Variants in CHP1 observed in about 807,000 individuals in gnomAD.
CHP1 encodes the protein calcineurin B homologous protein 1.
CHP1 carries 11 observed loss-of-function variants against 27.4 expected under a neutral mutation model. That is an observed-to-expected ratio of 0.40 (90% CI 0.25 to 0.67). The LOEUF (loss-of-function observed/expected upper bound fraction) is 0.67. Among genes scored for constraint, CHP1 ranks in the 30% least tolerant of loss-of-function variants. The pLI is 0.38. For missense variants in CHP1, 169 were observed against 251.3 expected, an observed-to-expected ratio of 0.67 and a Z score of 2.22; for synonymous variants, 89 against 87.4, an observed-to-expected ratio of 1.02 and a Z score of -0.10.
chr15:41,262,214 C>G (rs2047437324), intron 3 of CHP1, among the ~76,000 whole-genome samples: 1 of 151,830 alleles, frequency 6.6e-6, no homozygotes, highest in Admixed American at 6.6e-5. Context: ...GAGCAAGACT[C>G]TGTCTCAAAA....
At chr15:41,274,872 C>T (rs961166854) in intron 5 of CHP1, among the ~76,000 whole-genome samples, 1 of 149,328 alleles carries the variant, frequency 6.7e-6, no homozygotes, top group African/African-American at 2.5e-5. Context: ...CTCACTGCGA[C>T]CTCCACCTCC....
At chr15:41,277,793 A>C (rs1415966843) in intron 5 of CHP1, among the ~76,000 whole-genome samples, 1 of 148,102 alleles carries the variant, frequency 6.8e-6, no homozygotes, top group Non-Finnish European at 1.5e-5. Context: ...CGCCTCAGGA[A>C]AAAAAAAAAA....
At chr15:41,237,120 C>T (rs866014585) in intron 1 of CHP1, among the ~76,000 whole-genome samples, 15 of 150,608 alleles carry the variant, frequency 1.0e-4, no homozygotes, top group Admixed American at 2.7e-4. Flanking sequence ...CGTGAGCCAC[C>T]GCACCTGGCC....
intron 3 of CHP1, 91 bp downstream of exon 3, chr15:41,257,081 C>A: frequency 1.0e-6 from 1 of 971,040 alleles, no homozygotes; most frequent in Non-Finnish European, 1.6e-6. Context: ...GTTGTGCCAT[C>A]TCAGACTGTG....
At position 41,280,092 on chromosome 15, in the gene CHP1, G is replaced by C. The variant is rs947142210; in HGVS notation, c.*703G>C. 1.3e-5 allele frequency: 2 copies of C among 152,262 alleles called. No individual in the cohort carries two copies. The highest frequency in any genetic ancestry group is 2.9e-5 in the Non-Finnish European group (2 of 68,116). The allele number at this position is 152,262 out of a possible 1,614,324, so 9.4% of individuals were successfully genotyped here. ...TCTGCACTCTGCTCTGTCATCAAAGGCTGCTGGGTGGAGATACCCTTTTTG... is the reference window on the plus strand; with the variant it reads ...TCTGCACTCTGCTCTGTCATCAAAGCCTGCTGGGTGGAGATACCCTTTTTG... On this transcript the variant is annotated 3_prime_UTR_variant, in exon 7 of 7. Coordinates refer to ENST00000334660, the MANE Select transcript of CHP1 (RefSeq NM_007236.5).
chr15:41,239,804 C>G (rs190728147), intron 1 of CHP1, among the ~76,000 whole-genome samples: 2 of 150,424 alleles, frequency 1.3e-5, no homozygotes, highest in African/African-American at 4.9e-5. Flanking sequence ...GAGACAGAGT[C>G]TCCTCTCTGT....
At chr15:41,249,284 AGCTGGGACTACAG>A (rs2047351710) in intron 2 of CHP1, among the ~76,000 whole-genome samples, 1 of 151,878 alleles carries the variant, frequency 6.6e-6, no homozygotes, top group Non-Finnish European at 1.5e-5. Context: ...CCTCCTGAGT[AGCTGGGACTACAG>A]GCACGTGTCA....
chr15:41,270,834 C>G (rs1011830368), intron 5 of CHP1, among the ~76,000 whole-genome samples: 1 of 152,158 alleles, frequency 6.6e-6, no homozygotes, highest in Non-Finnish European at 1.5e-5. Context: ...GCTAACTAGG[C>G]TGGGCATGGT....
intron 4 of CHP1, 123 bp from the exon 5 acceptor site, chr15:41,270,434 A>C: frequency 1.4e-6 from 1 of 712,190 alleles, no homozygotes. Context: ...AGTAATGGCA[A>C]TTGTTCTTGG....
intron 5 of CHP1, among the ~76,000 whole-genome samples, chr15:41,272,904 A>G (rs914419139): frequency 6.6e-6 from 1 of 152,024 alleles, no homozygotes; most frequent in Non-Finnish European, 1.5e-5. Flanking sequence ...AAAAATACAA[A>G]AAATTAGCCG....
Position 41,264,191 on chromosome 15 carries a change from G to A in CHP1, c.349+1308G>A, listed in dbSNP as rs1421207157. ...AGAGGAAGAGAGATATATATAGAGA[G>A]AGATCGAGACTGAAATTGAGCAACA... On this transcript the variant is annotated intron_variant, in intron 4 of 6. Transcript: ENST00000334660. The A allele has an allele frequency of 3.1e-6, 4 of 1,286,480 alleles. No individual in the cohort carries two copies. The Admixed American group carries it at 9.2e-5, about 30-fold the overall frequency. 79.7% of individuals were successfully genotyped at this position (1,286,480 alleles called of 1,614,324 possible).
intron 1 of CHP1, among the ~76,000 whole-genome samples, chr15:41,241,053 A>G (rs941202001): frequency 2.6e-5 from 4 of 152,098 alleles, no homozygotes; most frequent in Non-Finnish European, 5.9e-5. Context: ...AGGTTTCGCC[A>G]TGTTGGCCAG....
intron 1 of CHP1, among the ~76,000 whole-genome samples, chr15:41,237,950 C>T (rs911244807): frequency 4.6e-5 from 7 of 152,078 alleles, no homozygotes; most frequent in African/African-American, 1.4e-4. Context: ...CCTCGTAATC[C>T]ACCCACCTCC....
intron 1 of CHP1, among the ~76,000 whole-genome samples, chr15:41,241,482 T>C (rs1318831231): frequency 2.6e-5 from 4 of 152,232 alleles, no homozygotes; most frequent in Non-Finnish European, 5.9e-5. Context: ...TGGTAAGCCA[T>C]GGTGCTAGCA....
intron 2 of CHP1, among the ~76,000 whole-genome samples, chr15:41,248,880 C>T (rs1275066711): frequency 6.6e-6 from 1 of 152,184 alleles, no homozygotes; most frequent in Non-Finnish European, 1.5e-5. Flanking sequence ...TTGTCAGACC[C>T]ACCCACTACT....
chr15:41,252,993 C>T (rs2047378229), intron 2 of CHP1, among the ~76,000 whole-genome samples: 2 of 117,464 alleles, frequency 1.7e-5, no homozygotes, highest in East Asian at 6.0e-4. Context: ...GGCTGGAGTG[C>T]AGTGGCGCAA....
chr15:41,255,587 C>T (rs1044915023), intron 2 of CHP1, among the ~76,000 whole-genome samples: 2 of 152,082 alleles, frequency 1.3e-5, no homozygotes, highest in Non-Finnish European at 2.9e-5. Context: ...GCAGTAGAAT[C>T]GCTTGAACCC....
chr15:41,246,846 C>G (rs1197096654), intron 2 of CHP1, among the ~76,000 whole-genome samples: 1 of 150,656 alleles, frequency 6.6e-6, no homozygotes, highest in Admixed American at 6.6e-5. Flanking sequence ...CGAGATCACG[C>G]TACTGCACTC....
At chr15:41,238,712 G>GGTGGCAGGTACCT in intron 1 of CHP1, among the ~76,000 whole-genome samples, 1 of 40,786 alleles carries the variant, frequency 2.5e-5, no homozygotes, top group South Asian at 8.8e-4. Context: ...AGCCAGGCAT[G>GGTGGCAGGTACCT]GTGGTGGCAG....
Sources: allele counts gnomAD v4.1 joint callset (sites outside exome capture counted in the v4.1 genomes callset), GRCh38; gene constraint gnomAD v4.1.1; transcripts MANE v1.5; gene names NCBI Gene and HGNC (gene_info 2026-07-23, HGNC 2026-07-21).